DPYD: variants seen among roughly 807,000 people sequenced by gnomAD.
DPYD encodes the protein dihydropyrimidine dehydrogenase [NADP(+)].
DPYD carries 109 observed loss-of-function variants against 116.2 expected under a neutral mutation model. The ratio of observed to expected loss-of-function variants is 0.94; its 90% CI spans 0.80 to 1.10. The LOEUF (loss-of-function observed/expected upper bound fraction) is 1.10. DPYD is among the 50% of genes least tolerant of loss of function. The probability of loss-of-function intolerance (pLI) is 0.00; values close to 1 mark genes in which losing one functional copy is unlikely to be tolerated. For missense variants in DPYD, 1,302 were observed against 1,254.5 expected (o/e 1.04, Z -0.57); for synonymous variants, 440 against 432.0 (o/e 1.02, Z -0.23).
At chr1:97,647,469 T>C (rs1658334620) in intron 8 of DPYD, among the ~76,000 whole-genome samples, 1 of 151,948 alleles carries the variant, frequency 6.6e-6, no homozygotes, top group African/African-American at 2.4e-5. Flanking sequence ...ATATACAGTT[T>C]TTATTCTAAT....
intron 3 of DPYD, among the ~76,000 whole-genome samples, chr1:97,776,238 T>C (rs1666402260): frequency 6.6e-6 from 1 of 152,142 alleles, no homozygotes; most frequent in South Asian, 2.1e-4. Flanking sequence ...CAAAGTGGAG[T>C]TTATTTAATG....
intron 18 of DPYD, among the ~76,000 whole-genome samples, chr1:97,242,139 T>C (rs1283619866): frequency 3.1e-5 from 3 of 98,212 alleles, no homozygotes; most frequent in Non-Finnish European, 4.3e-5. Context: ...TATATATATA[T>C]ATATATATAT....
intron 5 of DPYD, among the ~76,000 whole-genome samples, chr1:97,708,364 T>C (rs1662101576): frequency 6.6e-6 from 1 of 152,082 alleles, no homozygotes; most frequent in Non-Finnish European, 1.5e-5. Flanking sequence ...CTTTTTTACA[T>C]ATGGAAGTAG....
chr1:97,382,519 G>T (rs1282265107), intron 14 of DPYD, 58 bp from the exon 15 acceptor site: 12 of 975,280 alleles, frequency 1.2e-5, no homozygotes, highest in Middle Eastern at 2.6e-4. Context: ...TGTACACAAA[G>T]ATATATTAAT....
At chr1:97,530,301 T>C (rs1215042529) in intron 12 of DPYD, among the ~76,000 whole-genome samples, 2 of 141,426 alleles carry the variant, frequency 1.4e-5, no homozygotes, top group African/African-American at 5.2e-5. Context: ...CACTGCAAAC[T>C]CTGCCTCCCA....
chr1:97,136,688 TG>T (rs1442517236), intron 20 of DPYD, among the ~76,000 whole-genome samples: 1 of 152,166 alleles, frequency 6.6e-6, no homozygotes, highest in African/African-American at 2.4e-5. Context: ...ATCACGTATT[TG>T]GATGAATCAC....
In DPYD at chr1:97,920,883, C is replaced by T; in HGVS notation, c.39+1G>A. 6.3e-7 allele frequency: 1 copy of T among 1,592,766 alleles called. No homozygotes were observed. The highest frequency in any genetic ancestry group is 8.5e-7 in the Non-Finnish European group (1 of 1,170,116). Reference sequence around the variant, plus strand: ...CCGACGAGCCGGCGCGAAGTCCGTACCTCGATGTCCGCCGAGTCCTTACTG... The same window carrying T: ...CCGACGAGCCGGCGCGAAGTCCGTATCTCGATGTCCGCCGAGTCCTTACTG... On this transcript the variant is annotated splice_donor_variant, in intron 1 of 22. Coordinates refer to ENST00000370192, the MANE Select transcript of DPYD (RefSeq NM_000110.4). LOFTEE classifies it high-confidence loss of function.
Position 97,452,734 on chromosome 1 carries a change from C to T in DPYD, c.1741-2511G>A, listed in dbSNP as rs982665844. Among the ~76,000 whole-genome samples, 5 of 152,018 alleles carry T rather than the reference C, an allele frequency of 3.3e-5. No homozygotes were observed. The East Asian group carries it at 9.7e-4, about 29-fold the overall frequency. On this transcript the variant is annotated intron_variant, in intron 13 of 22. Coordinates refer to ENST00000370192, the MANE Select transcript of DPYD (RefSeq NM_000110.4). ...CTTTAAAAGTGTGTAGCATCTCTCC[C>T]CTCTTTCTCTTGCTCCTGATTTGTC...
At position 97,086,691 on chromosome 1, in the gene DPYD, T is replaced by C. The variant is rs1649543202; in HGVS notation, c.2767-4221A>G. On this transcript the variant is annotated intron_variant, in intron 21 of 22. Coordinates refer to ENST00000370192, the MANE Select transcript of DPYD (RefSeq NM_000110.4). ...TGAACCATTGTAAGTCACACTGTCG[T>C]AAAGTAGAAAGAAAAATCATAAGAT... 2.6e-5 allele frequency among the ~76,000 whole-genome samples: 4 copies of C among 152,230 alleles called. No individual in the cohort carries two copies. In the South Asian group the frequency reaches 6.2e-4, roughly 24 times the overall value.
intron 18 of DPYD, among the ~76,000 whole-genome samples, chr1:97,258,816 A>C (rs2100841065): frequency 6.6e-6 from 1 of 152,298 alleles, no homozygotes; most frequent in East Asian, 1.9e-4. Flanking sequence ...AGGACAAGAA[A>C]GTGAAAGTGA....
intron 20 of DPYD, among the ~76,000 whole-genome samples, chr1:97,100,657 T>C (rs1650606593): frequency 6.6e-6 from 1 of 152,096 alleles, no homozygotes; most frequent in Non-Finnish European, 1.5e-5. Context: ...TCTTGCAACC[T>C]TTTAATCTAT....
chr1:97,570,231 CA>C (rs1262972865), intron 11 of DPYD, among the ~76,000 whole-genome samples: 1 of 151,852 alleles, frequency 6.6e-6, no homozygotes, highest in African/African-American at 2.4e-5. Context: ...CTTAGCTTTT[CA>C]AGTTCTTATT....
chr1:97,783,674 G>A (rs945038846), intron 3 of DPYD, among the ~76,000 whole-genome samples: 5 of 151,992 alleles, frequency 3.3e-5, no homozygotes, highest in African/African-American at 1.2e-4. Flanking sequence ...TACAAGGTGT[G>A]AGCCACCACA....
intron 14 of DPYD, among the ~76,000 whole-genome samples, chr1:97,430,338 C>T (rs568163263): frequency 2.6e-5 from 4 of 152,216 alleles, no homozygotes; most frequent in African/African-American, 4.8e-5. Flanking sequence ...GACAGATTTG[C>T]TCATTGGTTT....
chr1:97,760,455 T>A (rs1312411833), intron 3 of DPYD, among the ~76,000 whole-genome samples: 1 of 152,060 alleles, frequency 6.6e-6, no homozygotes, highest in African/African-American at 2.4e-5. Context: ...AAAAATAACA[T>A]GAATTTTAAG....
At chr1:97,410,658 G>C (rs767525566) in intron 14 of DPYD, among the ~76,000 whole-genome samples, 2 of 152,014 alleles carry the variant, frequency 1.3e-5, no homozygotes, top group African/African-American at 2.4e-5. Flanking sequence ...GTCACATTGT[G>C]AGCATATTAT....
At chr1:97,386,830 TAA>T (rs908302013) in intron 14 of DPYD, among the ~76,000 whole-genome samples, 87 of 152,176 alleles carry the variant, frequency 5.7e-4, no homozygotes, top group African/African-American at 1.9e-3. Flanking sequence ...AAGCAATTTT[TAA>T]AAGAGTCAGG....
intron 4 of DPYD, among the ~76,000 whole-genome samples, chr1:97,729,506 T>C (rs912059491): frequency 6.6e-6 from 1 of 152,120 alleles, no homozygotes; most frequent in Non-Finnish European, 1.5e-5. Context: ...TAAATGTTAA[T>C]ACTGTGAGTT....
chr1:97,159,630 A>G (rs1655739882), intron 20 of DPYD, among the ~76,000 whole-genome samples: 2 of 152,098 alleles, frequency 1.3e-5, no homozygotes, highest in Admixed American at 6.6e-5. Context: ...GGTTTCTAAC[A>G]TTTTAATAAT....
Sources: gnomAD v4.1 joint callset for allele counts (sites outside exome capture counted in the v4.1 genomes callset) on GRCh38, gnomAD v4.1.1 for gene constraint, MANE v1.5 for transcripts, NCBI Gene and HGNC (gene_info 2026-07-23, HGNC 2026-07-21) for gene names.